Variants in S100A10 observed in about 807,000 individuals in gnomAD.
S100A10 encodes the protein protein S100-A10.
Under a neutral mutation model 7.1 loss-of-function variants are expected in S100A10, and 3 were observed. The observed-to-expected ratio is 0.42, with a 90% CI of 0.19 to 1.10. The LOEUF (loss-of-function observed/expected upper bound fraction) is 1.10. Among genes scored for constraint, S100A10 ranks in the 50% least tolerant of loss-of-function variants. The pLI, the probability that S100A10 is intolerant of heterozygous loss-of-function variation, is 0.29. For synonymous variants in S100A10, 41 were observed against 39.3 expected (o/e 1.04, Z -0.16); for missense variants, 101 against 118.1 (o/e 0.86, Z 0.67).
intron 1 of S100A10, among the ~76,000 whole-genome samples, chr1:151,990,414 A>G (rs1001182848): frequency 2.6e-5 from 4 of 152,240 alleles, no homozygotes; most frequent in African/African-American, 7.2e-5. Context: ...CCACAGGATA[A>G]TAACAGCCTT....
intron 2 of S100A10, 67 bp downstream of exon 2, chr1:151,986,032 A>G: frequency 1.4e-6 from 2 of 1,413,952 alleles, no homozygotes; most frequent in Non-Finnish European, 1.9e-6. Context: ...AACAAGAAGG[A>G]AAAGGAACCA....
intron 2 of S100A10, among the ~76,000 whole-genome samples, 154 bp from the exon 3 acceptor site, chr1:151,983,478 ATTT>A (rs200402860): frequency 3.6e-5 from 5 of 137,818 alleles, no homozygotes; most frequent in East Asian, 2.1e-4. Context: ...ATCTAAATGT[ATTT>A]TTTTTTTTTT....
At chr1:151,988,949 T>G (rs1158000583) in intron 1 of S100A10, among the ~76,000 whole-genome samples, 1 of 152,136 alleles carries the variant, frequency 6.6e-6, no homozygotes, top group African/African-American at 2.4e-5. Context: ...TGTGCTCAAG[T>G]TCAGAGCAGC....
At chr1:151,992,019 C>G (rs1655915912) in intron 1 of S100A10, among the ~76,000 whole-genome samples, 1 of 152,178 alleles carries the variant, frequency 6.6e-6, no homozygotes, top group Non-Finnish European at 1.5e-5. Flanking sequence ...TAAGAAACTC[C>G]AAATGGTGGA....
chr1:151,990,952 G>C (rs1254123005), intron 1 of S100A10, among the ~76,000 whole-genome samples: 1 of 152,128 alleles, frequency 6.6e-6, no homozygotes, highest in African/African-American at 2.4e-5. Flanking sequence ...GTCCTCCTCA[G>C]AAAAGTGTCT....
Position 151,993,411 on chromosome 1 carries a change from G to C in S100A10, c.-22+341C>G, listed in dbSNP as rs1218459866. On this transcript the variant is annotated intron_variant, in intron 1 of 2. Transcript: ENST00000368811. The surrounding 1 kb of genome is among the most constrained non-coding windows in gnomAD (Gnocchi z 5.1). Reference sequence around the variant, plus strand: ...AGGGATTCGGTAACCCGAGAGACGAGTGGGAAAGTAGGAAAGGTGGGAGTA... The same window carrying C: ...AGGGATTCGGTAACCCGAGAGACGACTGGGAAAGTAGGAAAGGTGGGAGTA... Among the ~76,000 whole-genome samples, 1 of 152,196 alleles carries C rather than the reference G, an allele frequency of 6.6e-6. No homozygotes were observed. The highest frequency in any genetic ancestry group is 1.5e-5 in the Non-Finnish European group (1 of 68,036).
chr1:151,990,055 T>C (rs186412571), intron 1 of S100A10, among the ~76,000 whole-genome samples: 1 of 152,372 alleles, frequency 6.6e-6, no homozygotes, highest in East Asian at 1.9e-4. Flanking sequence ...ATAACTGTTA[T>C]GTGCATAAAT....
chr1:151,993,077 C>G lies in S100A10; in HGVS notation c.-22+675G>C, dbSNP rs151266329. 1.3e-3 allele frequency among the ~76,000 whole-genome samples: 198 copies of G among 152,316 alleles called. 3 individuals are homozygous for G. In the East Asian group the frequency reaches 0.026, roughly 20 times the overall value. ...TATTAAGACAGCAAGGGAACCCTTT[C>G]AGTAGAGAAACCACGTCACACAGGG... is the stretch of plus-strand genomic sequence containing the variant. On this transcript the variant is annotated intron_variant, in intron 1 of 2. Coordinates refer to ENST00000368811, the MANE Select transcript of S100A10 (RefSeq NM_002966.3). This position sits in a 1 kb window ranked among gnomAD's most constrained non-coding sequence, Gnocchi z 5.1.
chr1:151,983,438 GTTTTAGGT>G, intron 2 of S100A10, 114 bp from the exon 3 acceptor site: 1 of 548,804 alleles, frequency 1.8e-6, no homozygotes, highest in East Asian at 3.4e-5. Flanking sequence ...TTGAGCTCTT[GTTTTAGGT>G]CATAAGCAAC....
intron 1 of S100A10, among the ~76,000 whole-genome samples, chr1:151,987,298 C>T (rs771991617): frequency 6.6e-6 from 1 of 150,756 alleles, no homozygotes; most frequent in Non-Finnish European, 1.5e-5. Context: ...CTGCGCCCGG[C>T]CCAGTGTTCC....
chr1:151,990,512 G>T (rs1655882856), intron 1 of S100A10, among the ~76,000 whole-genome samples: 1 of 152,202 alleles, frequency 6.6e-6, no homozygotes, highest in African/African-American at 2.4e-5. Flanking sequence ...GTCTTAAGAA[G>T]GGAGGCGGAG....
rs143276981 is a variant in S100A10, at chr1:151,983,149, C to T, written c.*14G>A. ...ACAACTCTTATCAGGGAGGAGCGAA[C>T]TGCTCATTTCTGCCTACTTCTTTCC... On this transcript the variant is annotated 3_prime_UTR_variant, in exon 3 of 3. Coordinates refer to ENST00000368811, the MANE Select transcript of S100A10 (RefSeq NM_002966.3). 1,750 of 1,540,138 alleles carry T rather than the reference C, an allele frequency of 1.1e-3. 19 individuals carry two copies. In the East Asian group the frequency reaches 0.012, roughly 10 times the overall value.
chr1:151,992,577 G>A (rs921656176), intron 1 of S100A10: 4 of 151,914 alleles, frequency 2.6e-5, no homozygotes, highest in Non-Finnish European at 5.9e-5. Context: ...CCTTCAGGGA[G>A]TGTTCTGTCC....
chr1:151,986,280 T>A (rs779088306), intron 1 of S100A10, 29 bp from the exon 2 acceptor site: 28 of 1,501,314 alleles, frequency 1.9e-5, no homozygotes, highest in Non-Finnish European at 1.8e-5. Context: ...TAACAGGGTC[T>A]ACATTAACTT....
intron 1 of S100A10, 41 bp from the exon 2 acceptor site, chr1:151,986,292 T>C: frequency 7.0e-7 from 1 of 1,432,544 alleles, no homozygotes; most frequent in African/African-American, 1.5e-5. Context: ...CATTAACTTT[T>C]TTTGGCAGAC....
chr1:151,984,603 C>A (rs1197592176), intron 2 of S100A10, among the ~76,000 whole-genome samples: 1 of 152,160 alleles, frequency 6.6e-6, no homozygotes, highest in African/African-American at 2.4e-5. Context: ...GTGTCTGATG[C>A]CACAAAGCCT....
At chr1:151,991,715 T>C (rs1655906559) in intron 1 of S100A10, among the ~76,000 whole-genome samples, 1 of 152,192 alleles carries the variant, frequency 6.6e-6, no homozygotes, top group Non-Finnish European at 1.5e-5. Context: ...ATTCCATTGT[T>C]TCTCTCAACT....
intron 1 of S100A10, among the ~76,000 whole-genome samples, chr1:151,987,611 C>T (rs1246798853): frequency 2.1e-5 from 3 of 145,776 alleles, no homozygotes; most frequent in East Asian, 2.0e-4. Flanking sequence ...GCCATCTCGG[C>T]TCGCTGCAAG....
At position 151,983,328 on chromosome 1, in the gene S100A10, A is replaced by C; in HGVS notation, c.133-4T>G. 1 of 1,354,002 alleles carries C rather than the reference A, an allele frequency of 7.4e-7. No homozygotes were observed. The highest frequency in any genetic ancestry group is 2.6e-5 in the East Asian group (1 of 39,028). The allele number at this position is 1,354,002 out of a possible 1,614,324, so 83.9% of individuals were successfully genotyped here. Reference sequence around the variant, plus strand: ...CAGCCAGAGGGTCTTTTTGATTCTGAAAAAAAAAAGAACAAAGGCAAGAAA... The same window carrying C: ...CAGCCAGAGGGTCTTTTTGATTCTGCAAAAAAAAAGAACAAAGGCAAGAAA... On this transcript the variant is annotated splice_polypyrimidine_tract_variant and splice_region_variant and intron_variant, in intron 2 of 2. Coordinates refer to ENST00000368811, the MANE Select transcript of S100A10 (RefSeq NM_002966.3).
Sources: gnomAD v4.1 joint callset for allele counts (sites outside exome capture counted in the v4.1 genomes callset) on GRCh38, gnomAD v4.1.1 for gene constraint, Gnocchi (gnomAD v3.1) non-coding constraint, MANE v1.5 for transcripts, NCBI Gene and HGNC (gene_info 2026-07-23, HGNC 2026-07-21) for gene names.